Variants in CCDC3 observed in about 807,000 individuals in gnomAD.
CCDC3 encodes the protein coiled-coil domain containing 3, also known as coiled-coil domain-containing protein 3.
A neutral mutation model predicts 21.4 loss-of-function variants in CCDC3; 24 were observed. The observed-to-expected ratio is 1.12, with a 90% CI of 0.81 to 1.58. The LOEUF is 1.58. Ranked by LOEUF, CCDC3 falls within the 40% of genes most tolerant of loss-of-function variation. The probability of loss-of-function intolerance (pLI) is 0.00; values close to 1 mark genes in which losing one functional copy is unlikely to be tolerated. For missense variants in CCDC3, 425 were observed against 360.9 expected, an observed-to-expected ratio of 1.18 and a Z score of -1.44; for synonymous variants, 186 against 166.0, an observed-to-expected ratio of 1.12 and a Z score of -0.93.
At chr10:12,979,708 A>T (rs1439339491) in intron 2 of CCDC3, among the ~76,000 whole-genome samples, 1 of 152,106 alleles carries the variant, frequency 6.6e-6, no homozygotes, top group Non-Finnish European at 1.5e-5. Context: ...GGTCAAACAC[A>T]GATGCTCTGG....
upstream of CCDC3, among the ~76,000 whole-genome samples, chr10:13,004,948 T>G (rs1399737298): frequency 6.6e-6 from 1 of 152,122 alleles, no homozygotes; most frequent in Non-Finnish European, 1.5e-5. Flanking sequence ...ATCTTCACAC[T>G]TGGTAACCGT....
chr10:12,987,337 T>A (rs1835611352), intron 2 of CCDC3, among the ~76,000 whole-genome samples: 1 of 152,182 alleles, frequency 6.6e-6, no homozygotes, highest in South Asian at 2.1e-4. Flanking sequence ...TCTATGTGGA[T>A]GGAATAAACG....
intron 5 of CCDC3, among the ~76,000 whole-genome samples, chr10:13,019,980 G>C (rs1423703953): frequency 6.6e-6 from 1 of 152,154 alleles, no homozygotes; most frequent in African/African-American, 2.4e-5. Flanking sequence ...TGTGCAACAA[G>C]AGTGAAACTC....
chr10:12,948,795 T>G (rs1437395096), intron 2 of CCDC3, among the ~76,000 whole-genome samples: 12 of 129,018 alleles, frequency 9.3e-5, no homozygotes, highest in African/African-American at 3.5e-4. Context: ...TGCAGTGGCC[T>G]ATCTCGGCTC....
chr10:12,937,081 G>A (rs138985053), intron 2 of CCDC3, among the ~76,000 whole-genome samples: 1 of 150,482 alleles, frequency 6.6e-6, no homozygotes, highest in Non-Finnish European at 1.5e-5. Flanking sequence ...AAGCCTGGGG[G>A]CCGGCCAATG....
intron 5 of CCDC3, among the ~76,000 whole-genome samples, chr10:13,042,034 C>T (rs1300943975): frequency 2.6e-5 from 4 of 152,184 alleles, no homozygotes; most frequent in Non-Finnish European, 5.9e-5. Context: ...AGATCCCAGA[C>T]GCTTTGGCCT....
At chr10:12,934,080 AT>A (rs1834696255) in intron 2 of CCDC3, among the ~76,000 whole-genome samples, 1 of 152,244 alleles carries the variant, frequency 6.6e-6, no homozygotes, top group South Asian at 2.1e-4. Flanking sequence ...ATTTCATGCT[AT>A]AAAATTTTCT....
chr10:13,083,604 A>C (rs1046923831), intron 3 of CCDC3, among the ~76,000 whole-genome samples: 5 of 152,210 alleles, frequency 3.3e-5, no homozygotes, highest in African/African-American at 1.2e-4. Context: ...TCTGTGCTGG[A>C]GGTGCTCACA....
At chr10:13,003,359 A>G (rs1835889366), upstream of CCDC3, among the ~76,000 whole-genome samples, 1 of 152,240 alleles carries the variant, frequency 6.6e-6, no homozygotes, top group South Asian at 2.1e-4. Flanking sequence ...CAGAGAAGTT[A>G]ATTGACACCA....
chr10:13,037,403 G>C lies in CCDC3; in HGVS notation c.-2+12271C>G, dbSNP rs565601307. Among the ~76,000 whole-genome samples, 17 of 152,126 alleles carry C rather than the reference G, an allele frequency of 1.1e-4. No individual in the cohort carries two copies. In the East Asian group the frequency reaches 3.3e-3, roughly 29 times the overall value. On this transcript the variant is annotated intron_variant, in intron 5 of 6. Coordinates refer to the CCDC3 transcript ENST00000378839. ...CAACAAAATTAATCATCTGACACTT[G>C]ATCCTACATAAAAATTCCCCAAATT...
At chr10:13,016,287 G>C (rs1200691111) in intron 5 of CCDC3, among the ~76,000 whole-genome samples, 1 of 144,002 alleles carries the variant, frequency 6.9e-6, no homozygotes. Flanking sequence ...CACCTGAGTT[G>C]AGCTCAAGAT....
intron 4 of CCDC3, among the ~76,000 whole-genome samples, chr10:13,054,405 C>T (rs1401069773): frequency 6.6e-6 from 1 of 152,062 alleles, no homozygotes; most frequent in African/African-American, 2.4e-5. Context: ...GGATTGCTTC[C>T]ATTTTTTTTG....
In CCDC3 at chr10:12,998,423, G is replaced by A. The variant is rs1030723737; in HGVS notation, c.464C>T (p.Ser155Phe). 1 of 1,614,200 alleles carries A rather than the reference G, an allele frequency of 6.2e-7. No homozygotes were observed. Among genetic ancestry groups the A allele is most frequent in the Admixed American group, 1.7e-5 (1 of 60,018 alleles). ...ACAGTTTGAAAACTGGAAAAGGCTAGAAAACATCCTTCTGTTCTCTTGAGT... is the reference window on the plus strand; with the variant it reads ...ACAGTTTGAAAACTGGAAAAGGCTAAAAAACATCCTTCTGTTCTCTTGAGT... ...PDTQENRRMFSSLFQFSNCSQ... is the reference protein window; with the variant it reads ...PDTQENRRMFFSLFQFSNCSQ... The change falls in exon 2 of 3, where the codon TCT (serine) becomes TTT (phenylalanine). Residue 155 changes from serine to phenylalanine, a missense_variant. By Grantham distance (155) the Ser-to-Phe change is radical. Transcript: ENST00000378825.
At chr10:13,066,855 C>G (rs1030869155) in intron 4 of CCDC3, among the ~76,000 whole-genome samples, 1 of 152,144 alleles carries the variant, frequency 6.6e-6, no homozygotes. Flanking sequence ...AGCCACCTCA[C>G]TTTGCTGAGT....
intron 2 of CCDC3, among the ~76,000 whole-genome samples, chr10:12,983,629 G>A (rs867098604): frequency 3.4e-5 from 5 of 149,076 alleles, no homozygotes; most frequent in Non-Finnish European, 4.4e-5. Context: ...ATACTACAAA[G>A]GGAATGTTTA....
At chr10:13,024,533 A>T (rs562306785) in intron 5 of CCDC3, among the ~76,000 whole-genome samples, 1 of 152,224 alleles carries the variant, frequency 6.6e-6, no homozygotes, top group African/African-American at 2.4e-5. Context: ...CCTGCATTGC[A>T]TCTTGAAACC....
intron 2 of CCDC3, among the ~76,000 whole-genome samples, chr10:12,947,066 C>T (rs1834925840): frequency 6.6e-6 from 1 of 152,080 alleles, no homozygotes; most frequent in African/African-American, 2.4e-5. Flanking sequence ...CCACCCACAG[C>T]TCTGTCTCCT....
intron 5 of CCDC3, among the ~76,000 whole-genome samples, chr10:13,026,853 A>G (rs1472188234): frequency 2.0e-5 from 3 of 152,188 alleles, no homozygotes; most frequent in Non-Finnish European, 4.4e-5. Flanking sequence ...AAATGCTTCC[A>G]TGGAGCCAGT....
intron 2 of CCDC3, among the ~76,000 whole-genome samples, chr10:12,970,169 G>A (rs1835319854): frequency 6.6e-6 from 1 of 152,136 alleles, no homozygotes; most frequent in South Asian, 2.1e-4. Context: ...GGCAAAGGCT[G>A]AAGGATGAGG....
Sources: allele counts gnomAD v4.1 joint callset (sites outside exome capture counted in the v4.1 genomes callset), GRCh38; gene constraint gnomAD v4.1.1; transcripts MANE v1.5; gene names NCBI Gene and HGNC (gene_info 2026-07-23, HGNC 2026-07-21).